The following MYZAP variants were observed in gnomAD, a reference collection of about 807,000 sequenced individuals.
The protein encoded by MYZAP is GRINL1A complex locus upstream.
A neutral mutation model predicts 69.4 loss-of-function variants in MYZAP; 66 were observed. The ratio of observed to expected loss-of-function variants is 0.95; its 90% confidence interval spans 0.78 to 1.17. The LOEUF is 1.17. Among genes scored for constraint, MYZAP ranks in the 50% most tolerant of loss-of-function variants. The pLI, the probability that MYZAP is intolerant of heterozygous loss-of-function variation, is 0.00. For missense variants in MYZAP, 611 were observed against 556.2 expected, an observed-to-expected ratio of 1.10 and a Z score of -0.99; for synonymous variants, 256 against 205.9, an observed-to-expected ratio of 1.24 and a Z score of -2.09.
rs1244464146 is a variant in MYZAP at position 57,658,111 on chromosome 15, A to G, written c.1120-3339A>G. On this transcript the variant is annotated intron_variant, in intron 10 of 12. Coordinates refer to ENST00000267853, the MANE Select transcript of MYZAP (RefSeq NM_001018100.5). ...CATGTGAAATTTAAAATACTTGATAATGAAAATGCCAAATGCACACAGAAC... is the reference window on the plus strand; with the variant it reads ...CATGTGAAATTTAAAATACTTGATAGTGAAAATGCCAAATGCACACAGAAC... Among the ~76,000 whole-genome samples the G allele has an allele frequency of 6.6e-5, 10 of 152,200 alleles. No individual in the cohort carries two copies. In the East Asian group the frequency reaches 1.7e-3, roughly 26 times the overall value.
At chr15:57,642,638 A>G (rs945022832) in intron 10 of MYZAP, among the ~76,000 whole-genome samples, 5 of 152,310 alleles carry the variant, frequency 3.3e-5, no homozygotes, top group Admixed American at 2.0e-4. Flanking sequence ...CCATGAGGAA[A>G]CTTAGTTTTT....
Position 57,629,717 on chromosome 15 carries a change from G to A in MYZAP, c.541G>A (p.Val181Met). The change falls in exon 6 of 13, where the codon GTG becomes ATG. Residue 181 changes from valine (V) to methionine (M), a missense_variant. Val to Met is a conservative substitution (Grantham distance 21). Coordinates refer to ENST00000267853, the MANE Select transcript of MYZAP (RefSeq NM_001018100.5). ...SIGLQKTLVD[V>M]TLENSNIKDQ... The stretch of plus-strand genomic sequence containing the variant: ...ATCCTCACAGAAAACCCTCGTGGAT[G>A]TGACTTTGGAAAACAGCAACATTAA... 4.3e-6 allele frequency: 7 copies of A among 1,609,260 alleles called. No homozygotes were observed. The highest frequency in any genetic ancestry group is 5.9e-6 in the Non-Finnish European group (7 of 1,178,802).
chr15:57,621,588 A>G lies in MYZAP; in HGVS notation c.319-20A>G, dbSNP rs1371602761. On this transcript the variant is annotated intron_variant, in intron 3 of 12. Coordinates refer to ENST00000267853, the MANE Select transcript of MYZAP (RefSeq NM_001018100.5). ...AAATGTTATGGCTTGATCTCTAACTAGTATCTTTGTGGGCTACAGGTGAGA... is the reference window on the plus strand; with the variant it reads ...AAATGTTATGGCTTGATCTCTAACTGGTATCTTTGTGGGCTACAGGTGAGA... The G allele has an allele frequency of 6.2e-7, 1 of 1,610,326 alleles. No homozygotes were observed. Among genetic ancestry groups the G allele is most frequent in the East Asian group, 2.2e-5 (1 of 44,768 alleles).
chr15:57,660,645 G>A (rs116488639), intron 10 of MYZAP, among the ~76,000 whole-genome samples: 305 of 152,196 alleles, frequency 2.0e-3, no homozygotes, highest in African/African-American at 7.2e-3. Flanking sequence ...AATTTTGTGA[G>A]CACACAAATT....
At chr15:57,602,142 C>A (rs1307867979) in intron 1 of MYZAP, among the ~76,000 whole-genome samples, 2 of 152,096 alleles carry the variant, frequency 1.3e-5, no homozygotes, top group African/African-American at 4.8e-5. Context: ...GCTAAGAGGC[C>A]ACCCTGTGGA....
chr15:57,682,113 G>A (rs1228271036), intron 12 of MYZAP, among the ~76,000 whole-genome samples: 9 of 152,168 alleles, frequency 5.9e-5, no homozygotes, highest in African/African-American at 7.2e-5. Context: ...GTTTAAGGCC[G>A]TTTGGTATAG....
intron 2 of MYZAP, among the ~76,000 whole-genome samples, chr15:57,607,043 T>C (rs1350585658): frequency 6.6e-6 from 1 of 152,190 alleles, no homozygotes; most frequent in African/African-American, 2.4e-5. Flanking sequence ...TCCCTGCCTG[T>C]CCCTTTTAGA....
intron 4 of MYZAP, among the ~76,000 whole-genome samples, chr15:57,624,749 C>T (rs2036024795): frequency 6.6e-6 from 1 of 152,242 alleles, no homozygotes; most frequent in Non-Finnish European, 1.5e-5. Context: ...CTACCTACTG[C>T]AGCCAGATTA....
intron 7 of MYZAP, among the ~76,000 whole-genome samples, chr15:57,633,266 C>G (rs180684093): frequency 7.6e-4 from 115 of 152,286 alleles, no homozygotes; most frequent in Middle Eastern, 3.4e-3. Flanking sequence ...AATTCCAGAT[C>G]TGGTTCTAAT....
chr15:57,675,430 G>A (rs2039069948), intron 12 of MYZAP, among the ~76,000 whole-genome samples: 1 of 152,162 alleles, frequency 6.6e-6, no homozygotes, highest in African/African-American at 2.4e-5. Context: ...CTGCCCCAGA[G>A]TACAGTCTGG....
intron 12 of MYZAP, among the ~76,000 whole-genome samples, chr15:57,678,323 C>T (rs2039246123): frequency 1.3e-5 from 2 of 152,142 alleles, no homozygotes; most frequent in South Asian, 4.1e-4. Flanking sequence ...GATCATGCCC[C>T]TGCACTCCAG....
chr15:57,627,264 G>A (rs984701472), intron 5 of MYZAP, among the ~76,000 whole-genome samples: 2 of 151,906 alleles, frequency 1.3e-5, no homozygotes, highest in Non-Finnish European at 2.9e-5. Flanking sequence ...TCTGACCCAG[G>A]CACCTTGACT....
At chr15:57,675,149 C>A in intron 12 of MYZAP, 81 bp downstream of exon 12, 1 of 1,231,396 alleles carries the variant, frequency 8.1e-7, no homozygotes, top group Non-Finnish European at 1.1e-6. Flanking sequence ...CTGTTCTTAG[C>A]AGAATTGCAT....
chr15:57,655,659 T>A (rs1366415467), intron 10 of MYZAP, among the ~76,000 whole-genome samples: 1 of 152,186 alleles, frequency 6.6e-6, no homozygotes, highest in East Asian at 1.9e-4. Context: ...CCCTCCCTCC[T>A]TAAATATCAA....
intron 5 of MYZAP, among the ~76,000 whole-genome samples, chr15:57,626,227 C>G (rs779109674): frequency 6.6e-6 from 1 of 152,180 alleles, no homozygotes; most frequent in African/African-American, 2.4e-5. Flanking sequence ...AGTCCCAGTG[C>G]CACAGGAAGT....
chr15:57,631,016 C>T (rs2036470583), intron 6 of MYZAP, among the ~76,000 whole-genome samples: 1 of 152,170 alleles, frequency 6.6e-6, no homozygotes, highest in East Asian at 1.9e-4. Context: ...GCTGCCAGTT[C>T]ACTTGGCCTG....
intron 10 of MYZAP, among the ~76,000 whole-genome samples, chr15:57,642,472 C>A (rs1251845883): frequency 6.6e-6 from 1 of 152,262 alleles, no homozygotes; most frequent in African/African-American, 2.4e-5. Context: ...ACTCCGGCTC[C>A]CCAGGCATAT....
At position 57,619,033 on chromosome 15, in the gene MYZAP, CT is replaced by C. The variant is rs1372139864; in HGVS notation, c.318+849del. Among the ~76,000 whole-genome samples, 13 of 152,312 alleles carry C rather than the reference CT, an allele frequency of 8.5e-5. No individual in the cohort carries two copies. The East Asian group carries it at 2.1e-3, about 25-fold the overall frequency. On this transcript the variant is annotated intron_variant, in intron 3 of 12. Coordinates refer to ENST00000267853, the MANE Select transcript of MYZAP (RefSeq NM_001018100.5). ...GCTCTGTGTCTGGCCCAGCAAGTCA[CT>C]TTTGCTCTGTGCAGGCTTCAGTCCT...
chr15:57,633,740 A>G lies in MYZAP; in HGVS notation c.932A>G (p.Lys311Arg). The change falls in exon 8 of 13, where the codon AAG becomes AGG. Residue 311 changes from lysine (K) to arginine (R), a missense_variant and splice_region_variant. Coordinates refer to ENST00000267853, the MANE Select transcript of MYZAP (RefSeq NM_001018100.5). Reference sequence around the variant, plus strand: ...GACAGGCTGATTGAGCGCATGGAAAAGGTAGGACACAGCGTTGGGCCTATT... The same window carrying G: ...GACAGGCTGATTGAGCGCATGGAAAGGGTAGGACACAGCGTTGGGCCTATT... Reference protein sequence around the residue: ...ELDRLIERMEKERHQLQLQLL... With the variant: ...ELDRLIERMERERHQLQLQLL... 1 of 1,602,144 alleles carries G rather than the reference A, an allele frequency of 6.2e-7. No homozygotes were observed. Among genetic ancestry groups the G allele is most frequent in the African/African-American group, 1.3e-5 (1 of 74,662 alleles).
Sources: allele counts gnomAD v4.1 joint callset (sites outside exome capture counted in the v4.1 genomes callset), GRCh38; gene constraint gnomAD v4.1.1; transcripts MANE v1.5; gene names NCBI Gene and HGNC (gene_info 2026-07-23, HGNC 2026-07-21).